Variants in FNIP1 observed in about 807,000 individuals in gnomAD.
FNIP1 encodes folliculin interacting protein 1, also known as folliculin-interacting protein 1.
FNIP1 carries 40 observed loss-of-function variants against 124.5 expected under a neutral mutation model. The ratio of observed to expected loss-of-function variants is 0.32; its 90% CI spans 0.25 to 0.42. The LOEUF (loss-of-function observed/expected upper bound fraction) is 0.42. Among genes scored for constraint, FNIP1 ranks in the 10% least tolerant of loss-of-function variants. The pLI is 1.00. For synonymous variants in FNIP1, 472 were observed against 470.6 expected (o/e 1.00, Z -0.04); for missense variants, 1,176 against 1,403.7 (o/e 0.84, Z 2.59).
chr5:131,759,953 T>C (rs1198075433), intron 1 of FNIP1, among the ~76,000 whole-genome samples: 1 of 152,262 alleles, frequency 6.6e-6, no homozygotes, highest in Non-Finnish European at 1.5e-5. Flanking sequence ...TGGAGGCGGC[T>C]GGAAGCCATA....
chr5:131,660,692 T>C (rs1446830913), intron 15 of FNIP1, among the ~76,000 whole-genome samples: 1 of 152,196 alleles, frequency 6.6e-6, no homozygotes, highest in Non-Finnish European at 1.5e-5. Context: ...TTTTCTCTAC[T>C]ACAATACCAT....
intron 17 of FNIP1, among the ~76,000 whole-genome samples, chr5:131,645,318 A>AC (rs1766850118): frequency 6.6e-6 from 1 of 151,894 alleles, no homozygotes; most frequent in Non-Finnish European, 1.5e-5. Context: ...TCAAAAAAAA[A>AC]AAAAAACAAA....
chr5:131,652,775 A>G (rs1767078980), intron 15 of FNIP1, among the ~76,000 whole-genome samples: 2 of 152,110 alleles, frequency 1.3e-5, no homozygotes, highest in Non-Finnish European at 2.9e-5. Context: ...TAGCCTGAGC[A>G]ACATAGCCAG....
intron 13 of FNIP1, among the ~76,000 whole-genome samples, chr5:131,673,313 C>T (rs1767822945): frequency 6.6e-6 from 1 of 151,926 alleles, no homozygotes; most frequent in Admixed American, 6.5e-5. Context: ...GCCCTGGCCT[C>T]CCAAAGTGCT....
At chr5:131,700,942 GA>G (rs922169578) in intron 10 of FNIP1, among the ~76,000 whole-genome samples, 1 of 152,052 alleles carries the variant, frequency 6.6e-6, no homozygotes, top group Non-Finnish European at 1.5e-5. Flanking sequence ...TACTACAATT[GA>G]ACAAATATCC....
chr5:131,740,927 C>T (rs1770492296), intron 2 of FNIP1, among the ~76,000 whole-genome samples: 1 of 152,190 alleles, frequency 6.6e-6, no homozygotes, highest in South Asian at 2.1e-4. Context: ...CTCCCACCAG[C>T]TCCATGACAG....
chr5:131,788,972 T>A lies in FNIP1; in HGVS notation c.92+7858A>T, dbSNP rs140900830. 3.7e-3 allele frequency among the ~76,000 whole-genome samples: 561 copies of A among 152,310 alleles called. 4 individuals carry two copies. The highest frequency in any genetic ancestry group is 0.013 in the African/African-American group (531 of 41,564). On this transcript the variant is annotated intron_variant, in intron 1 of 17. Transcript: ENST00000510461. ...CAAAGAAATATCTGCACACTCATAT[T>A]TACGGCAACAGTATTTACACTAGCC... is the stretch of plus-strand genomic sequence containing the variant.
chr5:131,664,589 C>G (rs187812456), intron 15 of FNIP1, among the ~76,000 whole-genome samples: 4 of 132,600 alleles, frequency 3.0e-5, no homozygotes, highest in Non-Finnish European at 6.2e-5. Flanking sequence ...AAGCCATGTT[C>G]GTGCCACTGC....
chr5:131,787,726 G>A (rs576230319), intron 1 of FNIP1, among the ~76,000 whole-genome samples: 1 of 152,296 alleles, frequency 6.6e-6, no homozygotes, highest in Non-Finnish European at 1.5e-5. Flanking sequence ...ATAAAACAGT[G>A]TGCAGCACAG....
chr5:131,761,439 A>G (rs1771228323), intron 1 of FNIP1, among the ~76,000 whole-genome samples: 1 of 152,246 alleles, frequency 6.6e-6, no homozygotes, highest in African/African-American at 2.4e-5. Flanking sequence ...TAAAAAGTCA[A>G]CATACAAAAA....
At chr5:131,706,374 T>C (rs1769111965) in intron 9 of FNIP1, 37 bp downstream of exon 9, 3 of 1,534,576 alleles carry the variant, frequency 2.0e-6, no homozygotes, top group Admixed American at 4.2e-5. Context: ...TTTAAGGAAC[T>C]ACTCAATCTT....
intron 1 of FNIP1, among the ~76,000 whole-genome samples, chr5:131,762,038 A>T (rs1040984521): frequency 1.3e-5 from 2 of 152,178 alleles, no homozygotes; most frequent in Non-Finnish European, 2.9e-5. Flanking sequence ...GGCCCTGAGA[A>T]AATTGGATAT....
intron 2 of FNIP1, among the ~76,000 whole-genome samples, chr5:131,735,071 A>C (rs537531195): frequency 6.6e-6 from 1 of 152,216 alleles, no homozygotes; most frequent in African/African-American, 2.4e-5. Context: ...AATGTCCAAC[A>C]ATGATAGACT....
chr5:131,658,905 G>C (rs1336781166), intron 15 of FNIP1, among the ~76,000 whole-genome samples: 1 of 7,864 alleles, frequency 1.3e-4, no homozygotes, highest in Non-Finnish European at 2.4e-4. Context: ...CCTGGGTCTA[G>C]CCAAAAAAAA....
chr5:131,644,538 A>C lies in FNIP1; in HGVS notation c.*147T>G, dbSNP rs929705284. 2 of 608,252 alleles carry C rather than the reference A, an allele frequency of 3.3e-6. No individual in the cohort carries two copies. The highest frequency in any genetic ancestry group is 1.9e-5 in the African/African-American group (1 of 53,526). 37.7% of individuals were successfully genotyped at this position (608,252 alleles called of 1,614,324 possible). On this transcript the variant is annotated 3_prime_UTR_variant, in exon 18 of 18. Transcript: ENST00000510461. ...GAAAAAGCCATCTGACATACACAGA[A>C]TATACAATGCTATGCAGAATACCCT...
chr5:131,736,431 C>G (rs1023647034), intron 2 of FNIP1, among the ~76,000 whole-genome samples: 1 of 152,198 alleles, frequency 6.6e-6, no homozygotes, highest in African/African-American at 2.4e-5. Flanking sequence ...TCCACTATCA[C>G]GAACCACCAT....
rs190590725 is a variant in FNIP1, at chr5:131,734,375, A to C, written c.220-3337T>G. Among the ~76,000 whole-genome samples the C allele has an allele frequency of 4.6e-5, 7 of 152,210 alleles. No individual in the cohort carries two copies. In the East Asian group the frequency reaches 1.4e-3, roughly 29 times the overall value. ...TTTCTTGCCTTCTGCTAGCTTTTTCAATTTGTTTGCTCTTGCTTCTCTAGT... is the reference window on the plus strand; with the variant it reads ...TTTCTTGCCTTCTGCTAGCTTTTTCCATTTGTTTGCTCTTGCTTCTCTAGT... On this transcript the variant is annotated intron_variant, in intron 2 of 17. Coordinates refer to ENST00000510461, the MANE Select transcript of FNIP1 (RefSeq NM_133372.3).
chr5:131,758,183 A>G (rs1580815052), intron 1 of FNIP1, among the ~76,000 whole-genome samples: 1 of 152,234 alleles, frequency 6.6e-6, no homozygotes, highest in African/African-American at 2.4e-5. Flanking sequence ...TAATAGGCAA[A>G]TAAGTTTAAA....
intron 1 of FNIP1, among the ~76,000 whole-genome samples, chr5:131,761,486 G>C (rs960188076): frequency 6.6e-6 from 1 of 151,896 alleles, no homozygotes; most frequent in African/African-American, 2.4e-5. Flanking sequence ...TGACCAATCT[G>C]AAAAAAGGTT....
Sources: allele counts gnomAD v4.1 joint callset (sites outside exome capture counted in the v4.1 genomes callset), GRCh38; gene constraint gnomAD v4.1.1; transcripts MANE v1.5; gene names NCBI Gene and HGNC (gene_info 2026-07-23, HGNC 2026-07-21).